OXR1: variants seen among roughly 807,000 people sequenced by gnomAD.
OXR1 encodes the protein oxidation resistance protein 1.
In OXR1, 41 loss-of-function variants were observed where a neutral mutation model predicts 104.6. That is an observed-to-expected ratio of 0.39 (90% confidence interval 0.31 to 0.51). OXR1 has a LOEUF of 0.51. OXR1 is among the 20% of genes least tolerant of loss of function. OXR1 has a pLI of 0.77. For synonymous variants in OXR1, 348 were observed against 348.4 expected, an observed-to-expected ratio of 1.00 and a Z score of 0.01; for missense variants, 955 against 1,031.9, an observed-to-expected ratio of 0.93 and a Z score of 1.02.
chr8:106,719,288 A>G (rs2131447315), intron 11 of OXR1, among the ~76,000 whole-genome samples: 1 of 152,356 alleles, frequency 6.6e-6, no homozygotes, highest in Non-Finnish European at 1.5e-5. Flanking sequence ...AAGATGAGGC[A>G]GAATGCCTAT....
chr8:106,427,403 G>A (rs1313787676), intron 2 of OXR1, among the ~76,000 whole-genome samples: 4 of 152,028 alleles, frequency 2.6e-5, no homozygotes, highest in East Asian at 1.9e-4. Context: ...TCCTGACCTC[G>A]TGATCTGCCC....
At chr8:106,567,173 C>T (rs927202814) in intron 3 of OXR1, among the ~76,000 whole-genome samples, 2 of 152,098 alleles carry the variant, frequency 1.3e-5, no homozygotes, top group South Asian at 4.1e-4. Context: ...ATTTTGTTTT[C>T]AAACTTGGTG....
At chr8:106,274,734 A>G (rs1344330074) in intron 1 of OXR1, among the ~76,000 whole-genome samples, 1 of 152,030 alleles carries the variant, frequency 6.6e-6, no homozygotes, top group Non-Finnish European at 1.5e-5. Flanking sequence ...CACAAAGGCA[A>G]CCTCAGTTTC....
chr8:106,745,484 AT>A (rs1835309405), intron 15 of OXR1, among the ~76,000 whole-genome samples: 1 of 152,086 alleles, frequency 6.6e-6, no homozygotes, highest in Non-Finnish European at 1.5e-5. Flanking sequence ...TTCTTTCTCA[AT>A]TTTTTCTATT....
chr8:106,711,843 A>C (rs939023598), intron 10 of OXR1, among the ~76,000 whole-genome samples: 7 of 152,162 alleles, frequency 4.6e-5, no homozygotes, highest in Non-Finnish European at 1.0e-4. Flanking sequence ...TATAACAGAC[A>C]GTAAGCATGG....
At chr8:106,562,952 C>G (rs984300257) in intron 3 of OXR1, among the ~76,000 whole-genome samples, 1 of 152,152 alleles carries the variant, frequency 6.6e-6, no homozygotes, top group African/African-American at 2.4e-5. Flanking sequence ...GCCTGCCTTA[C>G]AAGAGCTCCT....
At chr8:106,688,613 T>TC in intron 6 of OXR1, among the ~76,000 whole-genome samples, 1 of 152,282 alleles carries the variant, frequency 6.6e-6, no homozygotes, top group East Asian at 1.9e-4. Flanking sequence ...TTTACTGTGT[T>TC]CATTTCAGAA....
chr8:106,500,281 C>T (rs890110326), intron 2 of OXR1, among the ~76,000 whole-genome samples: 12 of 152,164 alleles, frequency 7.9e-5, no homozygotes, highest in Admixed American at 2.0e-4. Context: ...ACAGGCAGTC[C>T]GGCGCCAGGC....
chr8:106,723,429 C>T (rs914670949), intron 11 of OXR1, among the ~76,000 whole-genome samples: 10 of 150,758 alleles, frequency 6.6e-5, no homozygotes, highest in Admixed American at 4.6e-4. Flanking sequence ...ACCCAGGAGG[C>T]GAACCTTGCA....
intron 1 of OXR1, among the ~76,000 whole-genome samples, chr8:106,293,355 A>G (rs1812837093): frequency 1.3e-5 from 2 of 152,178 alleles, no homozygotes; most frequent in African/African-American, 4.8e-5. Flanking sequence ...TCATATGCAG[A>G]TCTTACATTG....
intron 3 of OXR1, among the ~76,000 whole-genome samples, chr8:106,644,140 T>C (rs189387119): frequency 1.4e-4 from 21 of 152,300 alleles, no homozygotes; most frequent in Middle Eastern, 3.4e-3. Flanking sequence ...CAGATTCTTT[T>C]TAGCTTCAGC....
intron 1 of OXR1, among the ~76,000 whole-genome samples, chr8:106,345,302 G>C (rs546033148): frequency 6.6e-6 from 1 of 152,142 alleles, no homozygotes; most frequent in Non-Finnish European, 1.5e-5. Context: ...TAATTGGCAG[G>C]AATTAAAGCT....
At chr8:106,341,740 A>G (rs1211565856) in intron 1 of OXR1, among the ~76,000 whole-genome samples, 1 of 151,766 alleles carries the variant, frequency 6.6e-6, no homozygotes, top group Non-Finnish European at 1.5e-5. Context: ...ACTGTTTCCC[A>G]TTTTCCCATT....
intron 7 of OXR1, among the ~76,000 whole-genome samples, chr8:106,695,181 T>G (rs1391017731): frequency 3.3e-5 from 5 of 150,980 alleles, no homozygotes; most frequent in Admixed American, 3.3e-4. Flanking sequence ...TTAAAATAAT[T>G]TTTAAAATAA....
At chr8:106,330,805 T>TA (rs1418969501) in intron 1 of OXR1, among the ~76,000 whole-genome samples, 1 of 152,180 alleles carries the variant, frequency 6.6e-6, no homozygotes, top group Admixed American at 6.5e-5. Context: ...ATTGAACCAT[T>TA]CAACCAGGGT....
At chr8:106,491,859 A>G (rs899555312) in intron 2 of OXR1, among the ~76,000 whole-genome samples, 4 of 152,234 alleles carry the variant, frequency 2.6e-5, no homozygotes, top group African/African-American at 9.6e-5. Context: ...TGCTTAACAC[A>G]TGCTAAGTTA....
chr8:106,560,453 A>G (rs1485698079), intron 3 of OXR1, among the ~76,000 whole-genome samples: 1 of 152,194 alleles, frequency 6.6e-6, no homozygotes, highest in Admixed American at 6.5e-5. Flanking sequence ...AAAACTGGCT[A>G]GGATTGCTCG....
At chr8:106,474,886 A>G (rs1348356263) in intron 2 of OXR1, among the ~76,000 whole-genome samples, 1 of 152,006 alleles carries the variant, frequency 6.6e-6, no homozygotes, top group Non-Finnish European at 1.5e-5. Context: ...AAGAGGCAGT[A>G]TAGTGTAATG....
chr8:106,617,974 GT>G (rs1189108401), intron 3 of OXR1: 33 of 983,414 alleles, frequency 3.4e-5, no homozygotes, highest in Non-Finnish European at 3.9e-5. Flanking sequence ...AGTTTCCTGT[GT>G]GCAGAAACAG....
Sources: gnomAD v4.1 joint callset for allele counts (sites outside exome capture counted in the v4.1 genomes callset) on GRCh38, gnomAD v4.1.1 for gene constraint, MANE v1.5 for transcripts, NCBI Gene and HGNC (gene_info 2026-07-23, HGNC 2026-07-21) for gene names.